CDH1: variants seen among roughly 807,000 people sequenced by gnomAD.
The protein encoded by CDH1 is cadherin 1, also known as cadherin-1.
A neutral mutation model predicts 84.5 loss-of-function variants in CDH1; 35 were observed. The observed-to-expected ratio is 0.41, with a 90% CI of 0.32 to 0.55. The LOEUF (loss-of-function observed/expected upper bound fraction) is 0.55. CDH1 is among the 20% of genes least tolerant of loss of function. The pLI is 0.19. For missense variants in CDH1, 994 were observed against 1,126.6 expected, an observed-to-expected ratio of 0.88 and a Z score of 1.68; for synonymous variants, 417 against 439.0, an observed-to-expected ratio of 0.95 and a Z score of 0.63.
chr16:68,803,400 C>T (rs980474174), intron 3 of CDH1, among the ~76,000 whole-genome samples: 5 of 152,030 alleles, frequency 3.3e-5, no homozygotes, highest in African/African-American at 1.2e-4. Flanking sequence ...GATCCAGAGA[C>T]AGTTTTATTT....
At position 68,745,550 on chromosome 16, in the gene CDH1, A is replaced by AAATATATATATATATATG. The variant is rs71253605; in HGVS notation, c.163+7139_163+7140insAATATATATATATATATG. On this transcript the variant is annotated intron_variant, in intron 2 of 15. Transcript: ENST00000261769. ...TCCTGTCTCAAAAAAAAAAAAAAAA[A>AAATATATATATATATATG]TATATATATATATGTATATATATAT... Among the ~76,000 whole-genome samples, 39 of 50,504 alleles carry AAATATATATATATATATG rather than the reference A, an allele frequency of 7.7e-4. No homozygotes were observed. In the East Asian group the frequency reaches 0.011, roughly 14 times the overall value. The allele number at this position is 50,504 out of a possible 152,430, so 33.1% of individuals were successfully genotyped here.
chr16:68,786,312 C>T (rs573733363), intron 2 of CDH1, among the ~76,000 whole-genome samples: 1 of 152,122 alleles, frequency 6.6e-6, no homozygotes, highest in African/African-American at 2.4e-5. Context: ...GCTGGGATTA[C>T]AGGTGCCCGC....
intron 8 of CDH1, 29 bp from the exon 9 acceptor site, chr16:68,813,284 T>G (rs369915100): frequency 6.2e-7 from 1 of 1,612,444 alleles, no homozygotes; most frequent in East Asian, 2.2e-5. Flanking sequence ...CTTGGTACTT[T>G]GTAAATGACA....
At chr16:68,753,932 T>C (rs1597851544) in intron 2 of CDH1, among the ~76,000 whole-genome samples, 1 of 150,642 alleles carries the variant, frequency 6.6e-6, no homozygotes, top group Non-Finnish European at 1.5e-5. Context: ...CTGGCTAACA[T>C]GGTGAAACCC....
chr16:68,822,803 G>A, intron 12 of CDH1: 1 of 248,832 alleles, frequency 4.0e-6, no homozygotes, highest in South Asian at 5.2e-5. Flanking sequence ...AAACCAGTGT[G>A]GCGGCCGCAC....
chr16:68,790,657 A>G (rs1960183124), intron 2 of CDH1, among the ~76,000 whole-genome samples: 1 of 152,140 alleles, frequency 6.6e-6, no homozygotes, highest in Non-Finnish European at 1.5e-5. Flanking sequence ...AGGAGGCCTA[A>G]TGTCGCTGCC....
chr16:68,788,601 T>C (rs1290228819), intron 2 of CDH1, among the ~76,000 whole-genome samples: 1 of 152,248 alleles, frequency 6.6e-6, no homozygotes, highest in Non-Finnish European at 1.5e-5. Flanking sequence ...ATCCTTTTTA[T>C]TGCTGAGTAG....
chr16:68,763,636 C>T (rs1186343496), intron 2 of CDH1: 2 of 152,180 alleles, frequency 1.3e-5, no homozygotes, highest in Admixed American at 6.5e-5. Context: ...TCCCTCGGCC[C>T]TCCTCCCCCA....
At position 68,829,693 on chromosome 16, in the gene CDH1, C is replaced by T. The variant is rs876660183; in HGVS notation, c.2335C>T (p.Arg779Trp). ...CCAGCTGCACAGGGGCCTGGACGCT[C>T]GGCCTGAAGTGACTCGTAACGACGT... The part of the protein sequence containing the change: ...LSQLHRGLDA[R>W]PEVTRNDVAP... Residue 779 changes from arginine to tryptophan, a missense_variant, in exon 15 of 16, where the codon CGG (arginine) becomes TGG (tryptophan). Around this residue, in one of 3 missense-constraint regions of CDH1, gnomAD observed 769 missense variants for 881.8 expected, o/e 0.87. Coordinates refer to ENST00000261769, the MANE Select transcript of CDH1 (RefSeq NM_004360.5). 9.9e-6 allele frequency: 16 copies of T among 1,613,988 alleles called. No individual in the cohort carries two copies. The highest frequency in any genetic ancestry group is 2.2e-5 in the South Asian group (2 of 91,076).
At chr16:68,761,302 C>A (rs1327008042) in intron 2 of CDH1, among the ~76,000 whole-genome samples, 1 of 151,670 alleles carries the variant, frequency 6.6e-6, no homozygotes, top group Non-Finnish European at 1.5e-5. Context: ...ATACATCAGG[C>A]TTGGGGCAGC....
chr16:68,802,763 G>A (rs755745245), intron 3 of CDH1, among the ~76,000 whole-genome samples: 3 of 152,172 alleles, frequency 2.0e-5, no homozygotes, highest in Non-Finnish European at 4.4e-5. Flanking sequence ...GAGCCACTGC[G>A]CCTGGCCAAG....
At position 68,811,877 on chromosome 16, in the gene CDH1, T is replaced by A. The variant is rs1057523963; in HGVS notation, c.1008+18T>A. 1 of 1,613,474 alleles carries A rather than the reference T, an allele frequency of 6.2e-7. No individual in the cohort carries two copies. Among genetic ancestry groups the A allele is most frequent in the African/African-American group, 1.3e-5 (1 of 74,874 alleles). On this transcript the variant is annotated intron_variant, in intron 7 of 15. Coordinates refer to ENST00000261769, the MANE Select transcript of CDH1 (RefSeq NM_004360.5). ...ACCGAGAGGTCAGGGGTCAGGAGGA[T>A]CCAGAGGGTGTGGAGGACAAATGTG...
chr16:68,801,904 AT>A lies in CDH1; in HGVS notation c.387+16del. 4 of 1,607,934 alleles carry A rather than the reference AT, an allele frequency of 2.5e-6. No individual in the cohort carries two copies. Among genetic ancestry groups the A allele is most frequent in the Non-Finnish European group, 3.4e-6 (4 of 1,174,556 alleles). On this transcript the variant is annotated intron_variant, in intron 3 of 15. Transcript: ENST00000261769. ...CCCCCGCCCCATCAGGTATGTTGGCATTTTTCTGAGAAGTTCGCTGTTGTTT... is the reference window on the plus strand; with the variant it reads ...CCCCCGCCCCATCAGGTATGTTGGCATTTTCTGAGAAGTTCGCTGTTGTTT...
intron 10 of CDH1, 44 bp from the exon 11 acceptor site, chr16:68,819,236 G>A (rs1365242413): frequency 1.2e-6 from 2 of 1,612,520 alleles, no homozygotes; most frequent in Admixed American, 3.3e-5. Context: ...GCTACATGTT[G>A]TTTGCTGGTC....
At chr16:68,807,869 C>T (rs1391439192) in intron 3 of CDH1, among the ~76,000 whole-genome samples, 2 of 151,852 alleles carry the variant, frequency 1.3e-5, no homozygotes, top group Non-Finnish European at 2.9e-5. Context: ...CTTACAAGTT[C>T]GAGACCAGCC....
At chr16:68,823,352 T>C in intron 12 of CDH1, 47 bp from the exon 13 acceptor site, 1 of 1,378,342 alleles carries the variant, frequency 7.3e-7, no homozygotes, top group Non-Finnish European at 1.0e-6. Flanking sequence ...ATGAGCTTTT[T>C]ATTTTCCTCC....
intron 2 of CDH1, among the ~76,000 whole-genome samples, chr16:68,777,581 C>T (rs1959767342): frequency 8.1e-6 from 1 of 123,328 alleles, no homozygotes; most frequent in Non-Finnish European, 1.6e-5. Context: ...GATTCTGTCA[C>T]CCAAGCTGGA....
chr16:68,823,720 A>ACC, intron 13 of CDH1, 94 bp downstream of exon 13: 1 of 838,354 alleles, frequency 1.2e-6, no homozygotes, highest in Non-Finnish European at 1.9e-6. Context: ...ATTAATAAGG[A>ACC]TATAGGTTAG....
chr16:68,818,471 C>T (rs1198687912), intron 10 of CDH1, among the ~76,000 whole-genome samples: 2 of 150,080 alleles, frequency 1.3e-5, no homozygotes, highest in African/African-American at 4.9e-5. Flanking sequence ...GTGAAGAGTT[C>T]ATGGATGGTC....
Sources: allele counts gnomAD v4.1 joint callset (sites outside exome capture counted in the v4.1 genomes callset), GRCh38; gene constraint gnomAD v4.1.1; regional missense constraint gnomAD v4.1.1; transcripts MANE v1.5; gene names NCBI Gene and HGNC (gene_info 2026-07-23, HGNC 2026-07-21).